The following SORCS1 variants were observed in gnomAD, a reference collection of about 807,000 sequenced individuals.
The protein encoded by SORCS1 is sortilin related VPS10 domain containing receptor 1, also known as VPS10 domain-containing receptor SorCS1.
SORCS1 carries 60 observed loss-of-function variants against 146.1 expected under a neutral mutation model. That is an observed-to-expected ratio of 0.41 (90% CI 0.33 to 0.51). The LOEUF (loss-of-function observed/expected upper bound fraction) is 0.51. SORCS1 is among the 20% of genes least tolerant of loss of function. The pLI is 0.21. For synonymous variants in SORCS1, 637 were observed against 584.0 expected (o/e 1.09, Z -1.31); for missense variants, 1,352 against 1,487.6 (o/e 0.91, Z 1.50).
At chr10:106,598,371 C>T (rs1424024497) in intron 23 of SORCS1, among the ~76,000 whole-genome samples, 1 of 151,784 alleles carries the variant, frequency 6.6e-6, no homozygotes, top group Non-Finnish European at 1.5e-5. Flanking sequence ...AAGCGATTCT[C>T]CTGCCTCAGC....
At chr10:107,170,379 GA>G in the SORCS1 span, among the ~76,000 whole-genome samples, 1 of 152,244 alleles carries the variant, frequency 6.6e-6, no homozygotes, top group South Asian at 2.1e-4. Flanking sequence ...GACTAGAGGA[GA>G]GAAGACAAAA....
chr10:107,086,886 G>A (rs1047619812), intron 1 of SORCS1, among the ~76,000 whole-genome samples: 5 of 152,134 alleles, frequency 3.3e-5, no homozygotes, highest in East Asian at 1.9e-4. Context: ...ACAATTAGCC[G>A]GGAATGGTGG....
intron 1 of SORCS1, among the ~76,000 whole-genome samples, chr10:107,150,795 T>C (rs1274770450): frequency 6.6e-6 from 1 of 152,188 alleles, no homozygotes; most frequent in Non-Finnish European, 1.5e-5. Context: ...CCGTCTTCAC[T>C]CTACACTTCT....
At chr10:106,924,749 C>T (rs1470108083) in intron 2 of SORCS1, among the ~76,000 whole-genome samples, 1 of 122,776 alleles carries the variant, frequency 8.1e-6, no homozygotes. Context: ...TCAATTTTTA[C>T]ATTTAACTGC....
At chr10:106,895,135 C>G (rs1302437193) in intron 2 of SORCS1, among the ~76,000 whole-genome samples, 1 of 152,184 alleles carries the variant, frequency 6.6e-6, no homozygotes, top group African/African-American at 2.4e-5. Flanking sequence ...ATTTCCTGCT[C>G]ACCTTCCTCA....
chr10:106,884,732 A>C (rs1014451407), intron 2 of SORCS1, among the ~76,000 whole-genome samples: 6 of 152,056 alleles, frequency 3.9e-5, no homozygotes, highest in African/African-American at 9.7e-5. Flanking sequence ...CACCCTGCCC[A>C]AAAAAAATCA....
chr10:106,834,040 A>G (rs1589506115), intron 2 of SORCS1, among the ~76,000 whole-genome samples: 1 of 151,988 alleles, frequency 6.6e-6, no homozygotes, highest in Non-Finnish European at 1.5e-5. Flanking sequence ...TGATTCACCC[A>G]CCTCGGCCTC....
intron 2 of SORCS1, among the ~76,000 whole-genome samples, chr10:106,952,813 C>A (rs1954755403): frequency 6.6e-6 from 1 of 150,892 alleles, no homozygotes; most frequent in Non-Finnish European, 1.5e-5. Flanking sequence ...CTGTCTCTAT[C>A]AAAATAATAA....
At chr10:106,886,128 A>G (rs568137580) in intron 2 of SORCS1, among the ~76,000 whole-genome samples, 1 of 152,108 alleles carries the variant, frequency 6.6e-6, no homozygotes, top group Non-Finnish European at 1.5e-5. Flanking sequence ...CTGGCATGGT[A>G]GCAGGCACCT....
chr10:106,688,352 A>C lies in SORCS1; in HGVS notation c.1414-14T>G. The C allele has an allele frequency of 6.2e-7, 1 of 1,607,968 alleles. No individual in the cohort carries two copies. ...TATCCCTGCTACCTGGGAAAAATTG[A>C]CATGGCTGAAAAATACATCAATTTG... On this transcript the variant is annotated splice_polypyrimidine_tract_variant and intron_variant, in intron 9 of 25. Coordinates refer to ENST00000263054, the MANE Select transcript of SORCS1 (RefSeq NM_052918.5).
intron 18 of SORCS1, among the ~76,000 whole-genome samples, chr10:106,642,669 G>A (rs1445415850): frequency 1.3e-5 from 2 of 151,748 alleles, no homozygotes; most frequent in East Asian, 1.9e-4. Context: ...AGAAATACAC[G>A]TATTCTAAAT....
chr10:106,724,228 G>T (rs1471783649), intron 6 of SORCS1, among the ~76,000 whole-genome samples: 1 of 152,112 alleles, frequency 6.6e-6, no homozygotes, highest in Non-Finnish European at 1.5e-5. Flanking sequence ...AAGATATAAG[G>T]CCGGGCATGG....
intron 3 of SORCS1, among the ~76,000 whole-genome samples, chr10:106,810,215 C>T (rs189743237): frequency 2.6e-5 from 4 of 151,592 alleles, no homozygotes; most frequent in African/African-American, 4.9e-5. Flanking sequence ...AGTGAGACTC[C>T]GTCTCAGGAA....
chr10:106,806,672 C>T (rs111333492), intron 3 of SORCS1, among the ~76,000 whole-genome samples: 9,283 of 151,276 alleles, frequency 0.061, 369 homozygotes, highest in African/African-American at 0.097. Flanking sequence ...CCCGCCACCT[C>T]GCCCAGCTAA....
chr10:106,607,350 A>T (rs1846673937), intron 22 of SORCS1, 53 bp from the exon 23 acceptor site: 3 of 1,603,706 alleles, frequency 1.9e-6, no homozygotes, highest in Non-Finnish European at 2.6e-6. Context: ...GAAAGCTGAG[A>T]AGGGACCAAG....
At chr10:106,828,370 G>C (rs570220743) in intron 3 of SORCS1, among the ~76,000 whole-genome samples, 2 of 152,280 alleles carry the variant, frequency 1.3e-5, no homozygotes, top group Non-Finnish European at 2.9e-5. Flanking sequence ...GTAAGATATA[G>C]TTACCTGAGC....
At chr10:106,742,733 A>T (rs528590446) in intron 5 of SORCS1, among the ~76,000 whole-genome samples, 2 of 152,286 alleles carry the variant, frequency 1.3e-5, no homozygotes, top group African/African-American at 4.8e-5. Flanking sequence ...TTGTGACTGC[A>T]TTTCGACCAG....
intron 1 of SORCS1, among the ~76,000 whole-genome samples, chr10:107,049,668 C>T (rs951705431): frequency 6.6e-6 from 1 of 152,032 alleles, no homozygotes; most frequent in African/African-American, 2.4e-5. Flanking sequence ...GTTTGGGCAA[C>T]GATTAATTAA....
In SORCS1 at chr10:106,677,437, T is replaced by C. The variant is rs542334574; in HGVS notation, c.1741-33A>G. The C allele has an allele frequency of 1.3e-4, 196 of 1,563,290 alleles. 1 individual carries two copies. In the South Asian group the frequency reaches 2.1e-3, roughly 17 times the overall value. ...AGGAAAACACATACATGGACACACA[T>C]CCACATCCACACATACCCAGGCTTC... On this transcript the variant is annotated intron_variant, in intron 12 of 25. Transcript: ENST00000263054.
Sources: gnomAD v4.1 joint callset for allele counts (sites outside exome capture counted in the v4.1 genomes callset) on GRCh38, gnomAD v4.1.1 for gene constraint, MANE v1.5 for transcripts, NCBI Gene and HGNC (gene_info 2026-07-23, HGNC 2026-07-21) for gene names.